The following ADAMTSL1 variants were observed in gnomAD, a reference collection of about 807,000 sequenced individuals.
ADAMTSL1 encodes ADAMTS-like protein 1.
ADAMTSL1 carries 126 observed loss-of-function variants against 201.8 expected under a neutral mutation model. The observed-to-expected ratio is 0.62, with a 90% CI of 0.54 to 0.72. The LOEUF is 0.72. ADAMTSL1 is among the 30% of genes least tolerant of loss of function. The pLI, the probability that ADAMTSL1 is intolerant of heterozygous loss-of-function variation, is 0.00. For missense variants in ADAMTSL1, 2,679 were observed against 2,277.8 expected, an observed-to-expected ratio of 1.18 and a Z score of -3.59; for synonymous variants, 1,121 against 903.4, an observed-to-expected ratio of 1.24 and a Z score of -4.32.
At chr9:18,583,583 A>T (rs937683173) in intron 4 of ADAMTSL1, among the ~76,000 whole-genome samples, 13 of 152,288 alleles carry the variant, frequency 8.5e-5, no homozygotes, top group African/African-American at 3.1e-4. Flanking sequence ...AAGGGCCACC[A>T]TCCTCCAGAC....
chr9:18,684,435 G>T (rs924379430), intron 12 of ADAMTSL1, among the ~76,000 whole-genome samples: 1 of 152,156 alleles, frequency 6.6e-6, no homozygotes, highest in African/African-American at 2.4e-5. Flanking sequence ...TATGCATATT[G>T]AGCTAGTGCT....
intron 2 of ADAMTSL1, among the ~76,000 whole-genome samples, chr9:18,272,856 T>C (rs7847636): frequency 0.38 from 58,063 of 152,018 alleles, 11,952 homozygotes; most frequent in South Asian, 0.52. Flanking sequence ...TTCTTTGAGC[T>C]CATAGCAGTT....
chr9:18,132,031 A>C (rs1465557355), intron 1 of ADAMTSL1, among the ~76,000 whole-genome samples: 1 of 152,092 alleles, frequency 6.6e-6, no homozygotes, highest in East Asian at 1.9e-4. Context: ...CTGATTTGTC[A>C]CCTGAGCTCT....
chr9:18,595,823 G>A (rs1015311194), intron 4 of ADAMTSL1, among the ~76,000 whole-genome samples: 4 of 152,226 alleles, frequency 2.6e-5, no homozygotes, highest in African/African-American at 9.6e-5. Context: ...TTCAGGGACT[G>A]GGCTGTTTCT....
At chr9:18,003,283 G>A (rs1276105878) in intron 1 of ADAMTSL1, among the ~76,000 whole-genome samples, 1 of 151,932 alleles carries the variant, frequency 6.6e-6, no homozygotes, top group Non-Finnish European at 1.5e-5. Context: ...CCATGAAGCA[G>A]CATGAGAGTA....
intron 1 of ADAMTSL1, among the ~76,000 whole-genome samples, chr9:18,059,372 G>T (rs909472721): frequency 2.6e-5 from 4 of 152,054 alleles, no homozygotes; most frequent in African/African-American, 9.7e-5. Flanking sequence ...AGTCATTTTT[G>T]ATAATTTCAT....
At chr9:18,620,127 C>T (rs1250735630) in intron 4 of ADAMTSL1, among the ~76,000 whole-genome samples, 1 of 149,954 alleles carries the variant, frequency 6.7e-6, no homozygotes, top group African/African-American at 2.5e-5. Flanking sequence ...CACCTCCCTT[C>T]CATTGTTAAC....
intron 4 of ADAMTSL1, among the ~76,000 whole-genome samples, chr9:18,587,121 C>T (rs1314903053): frequency 6.6e-6 from 1 of 152,120 alleles, no homozygotes; most frequent in Non-Finnish European, 1.5e-5. Flanking sequence ...AACTAAAGAG[C>T]TTCTGCACAG....
At chr9:18,897,757 C>A (rs752755099) in intron 26 of ADAMTSL1, among the ~76,000 whole-genome samples, 1 of 152,166 alleles carries the variant, frequency 6.6e-6, no homozygotes, top group Non-Finnish European at 1.5e-5. Context: ...AAAGAATTAA[C>A]AAAAATGCTG....
upstream of ADAMTSL1, among the ~76,000 whole-genome samples, chr9:18,469,965 G>A (rs1222407800): frequency 1.3e-5 from 2 of 152,150 alleles, no homozygotes; most frequent in African/African-American, 2.4e-5. Context: ...GTTAATAAAT[G>A]TACCTACCCC....
chr9:18,121,101 A>G (rs995755267), intron 1 of ADAMTSL1, among the ~76,000 whole-genome samples: 4 of 152,224 alleles, frequency 2.6e-5, no homozygotes, highest in South Asian at 4.1e-4. Context: ...TTGATTGCAG[A>G]TGGTAAGAGA....
chr9:18,273,358 A>C (rs1478399515), intron 2 of ADAMTSL1, among the ~76,000 whole-genome samples: 1 of 129,334 alleles, frequency 7.7e-6, no homozygotes, highest in Non-Finnish European at 1.8e-5. Flanking sequence ...TGGGATTGCA[A>C]GAGTGAGTCA....
At chr9:18,246,561 T>A (rs1419753653) in intron 2 of ADAMTSL1, among the ~76,000 whole-genome samples, 5 of 152,218 alleles carry the variant, frequency 3.3e-5, no homozygotes, top group African/African-American at 1.2e-4. Context: ...AAAAAGACTT[T>A]ACCTATATTT....
chr9:18,704,338 G>C (rs1322009695), intron 13 of ADAMTSL1, among the ~76,000 whole-genome samples: 1 of 152,140 alleles, frequency 6.6e-6, no homozygotes, highest in Non-Finnish European at 1.5e-5. Flanking sequence ...TGTTATAATG[G>C]TTCCTAAAGA....
chr9:18,028,644 T>C (rs76768061), intron 1 of ADAMTSL1, among the ~76,000 whole-genome samples: 4,513 of 152,282 alleles, frequency 0.03, 102 homozygotes, highest in African/African-American at 0.068. Context: ...ACCAGTACCA[T>C]CCTATTTTGG....
intron 9 of ADAMTSL1, among the ~76,000 whole-genome samples, chr9:18,671,919 C>A (rs1829841552): frequency 6.6e-6 from 1 of 151,998 alleles, no homozygotes; most frequent in Non-Finnish European, 1.5e-5. Flanking sequence ...CGCCTGTAGT[C>A]CCAGCTACTC....
intron 1 of ADAMTSL1, among the ~76,000 whole-genome samples, chr9:18,033,040 A>G (rs1821042111): frequency 6.6e-6 from 1 of 152,172 alleles, no homozygotes; most frequent in Non-Finnish European, 1.5e-5. Flanking sequence ...CCTCCCCACT[A>G]TGCCTAGTTA....
intron 2 of ADAMTSL1, among the ~76,000 whole-genome samples, chr9:18,522,640 T>C (rs1344125714): frequency 1.4e-5 from 2 of 141,756 alleles, no homozygotes; most frequent in Non-Finnish European, 3.0e-5. Flanking sequence ...CCTTCCTGTG[T>C]CCAAGTGTTC....
intron 1 of ADAMTSL1, among the ~76,000 whole-genome samples, chr9:18,011,079 C>T (rs1031928996): frequency 3.3e-4 from 50 of 151,762 alleles, no homozygotes; most frequent in African/African-American, 1.0e-3. Context: ...ATGATAAAAA[C>T]GTGTAAGAAT....
Sources: gnomAD v4.1 joint callset for allele counts (sites outside exome capture counted in the v4.1 genomes callset) on GRCh38, gnomAD v4.1.1 for gene constraint, MANE v1.5 for transcripts, NCBI Gene and HGNC (gene_info 2026-07-23, HGNC 2026-07-21) for gene names.